EBPL: variants seen among roughly 807,000 people sequenced by gnomAD.
EBPL encodes the protein emopamil-binding protein-like.
A neutral mutation model predicts 19.0 loss-of-function variants in EBPL; 20 were observed. The ratio of observed to expected loss-of-function variants is 1.05; its 90% confidence interval spans 0.74 to 1.53. The LOEUF (loss-of-function observed/expected upper bound fraction) is 1.53. Among genes scored for constraint, EBPL ranks in the 40% most tolerant of loss-of-function variants. The probability of loss-of-function intolerance (pLI) is 0.00; values close to 1 mark genes in which losing one functional copy is unlikely to be tolerated. For missense variants in EBPL, 219 were observed against 261.1 expected (o/e 0.84, Z 1.11); for synonymous variants, 107 against 117.0 (o/e 0.91, Z 0.55).
At chr13:49,676,687 T>C (rs1457450299) in intron 1 of EBPL, among the ~76,000 whole-genome samples, 2 of 152,178 alleles carry the variant, frequency 1.3e-5, no homozygotes, top group Admixed American at 6.5e-5. Flanking sequence ...GCCTGGACAG[T>C]CTTATCACTC....
At chr13:49,664,864 G>A (rs1965202135) in intron 2 of EBPL, among the ~76,000 whole-genome samples, 1 of 151,988 alleles carries the variant, frequency 6.6e-6, no homozygotes, top group Non-Finnish European at 1.5e-5. Context: ...AACACACAAG[G>A]CACATGCTGA....
intron 1 of EBPL, among the ~76,000 whole-genome samples, chr13:49,670,279 T>C (rs556583141): frequency 6.6e-6 from 1 of 152,292 alleles, no homozygotes; most frequent in Non-Finnish European, 1.5e-5. Context: ...ATCAAGTTTA[T>C]ACCAGCATTG....
intron 3 of EBPL, among the ~76,000 whole-genome samples, chr13:49,662,546 T>C (rs1212869166): frequency 6.6e-6 from 1 of 152,176 alleles, no homozygotes; most frequent in Non-Finnish European, 1.5e-5. Flanking sequence ...GTTATTAAAA[T>C]AATATTTCTC....
chr13:49,673,082 A>T (rs1446145253), intron 1 of EBPL, among the ~76,000 whole-genome samples: 1 of 152,150 alleles, frequency 6.6e-6, no homozygotes, highest in African/African-American at 2.4e-5. Flanking sequence ...AGGAAAGGAA[A>T]GGAAAAGAAA....
chr13:49,691,316 C>A lies in EBPL; in HGVS notation c.109G>T (p.Gly37Trp), dbSNP rs1216033893. ...ALGLRLGRGQGAADRGALIWL... is the reference protein window; with the variant it reads ...ALGLRLGRGQWAADRGALIWL... ...ATGAGCGCCCCGCGGTCCGCCGCCC[C>A]CTGCCCGCGGCCCAGGCGCAGGCCC... The change falls in exon 1 of 4, where the codon GGG (glycine) becomes TGG (tryptophan). Residue 37 changes from glycine (G) to tryptophan (W), a missense_variant. By Grantham distance (184) the Gly-to-Trp change is radical (BLOSUM62 -2). This residue lies in a region of EBPL where 170 missense variants were observed against 167.0 expected (regional missense o/e 1.02). Coordinates refer to ENST00000242827, the MANE Select transcript of EBPL (RefSeq NM_032565.5). The A allele has an allele frequency of 1.5e-6, 2 of 1,365,540 alleles. No individual in the cohort carries two copies. Among genetic ancestry groups the A allele is most frequent in the African/African-American group, 1.5e-5 (1 of 66,070 alleles). The allele number at this position is 1,365,540 out of a possible 1,614,324, so 84.6% of individuals were successfully genotyped here.
At position 49,669,858 on chromosome 13, in the gene EBPL, A is replaced by G. The variant is rs1433217442; in HGVS notation, c.172-12T>C. On this transcript the variant is annotated splice_polypyrimidine_tract_variant and intron_variant, in intron 1 of 3. Transcript: ENST00000242827. Reference sequence around the variant, plus strand: ...ACAAAAGGGCCTTCCTAGAGAGGAGAAAATGAAGACATGCTCTAATACAGC... The same window carrying G: ...ACAAAAGGGCCTTCCTAGAGAGGAGGAAATGAAGACATGCTCTAATACAGC... The G allele has an allele frequency of 6.2e-7, 1 of 1,607,788 alleles. No individual in the cohort carries two copies. Among genetic ancestry groups the G allele is most frequent in the East Asian group, 2.2e-5 (1 of 44,834 alleles).
At chr13:49,661,307 CGCTATGAAAACCGTCCTAAGTT>C (rs1485084444) in intron 3 of EBPL, 99 bp from the exon 4 acceptor site, 13 of 1,004,714 alleles carry the variant, frequency 1.3e-5, no homozygotes, top group Non-Finnish European at 2.0e-5. Flanking sequence ...CAACAGTCTT[CGCTATGAAAACCGTCCTAAGTT>C]GGGCCTCAGA....
rs1486956648 is a variant in EBPL, at chr13:49,682,590, T to TG, written c.171+8663_171+8664insC. Among the ~76,000 whole-genome samples, 12 of 152,368 alleles carry TG rather than the reference T, an allele frequency of 7.9e-5. No homozygotes were observed. In the East Asian group the frequency reaches 2.3e-3, roughly 29 times the overall value. The stretch of plus-strand genomic sequence containing the variant: ...AGCCTGGCACTCACTTGGGAGCTGG[T>TG]TACCAATACAGAATCTTGGATGATC... On this transcript the variant is annotated intron_variant, in intron 1 of 3. Coordinates refer to ENST00000242827, the MANE Select transcript of EBPL (RefSeq NM_032565.5).
intron 1 of EBPL, among the ~76,000 whole-genome samples, chr13:49,688,718 CAAAAAA>C (rs56059575): frequency 3.1e-5 from 3 of 95,440 alleles, no homozygotes; most frequent in Non-Finnish European, 4.2e-5. Context: ...GACTCCGTCT[CAAAAAA>C]AAAAAAAAAA....
At position 49,678,322 on chromosome 13, in the gene EBPL, G is replaced by A. The variant is rs539329111; in HGVS notation, c.172-8476C>T. Among the ~76,000 whole-genome samples, 489 of 152,318 alleles carry A rather than the reference G, an allele frequency of 3.2e-3. 3 individuals are homozygous for A. The highest frequency in any genetic ancestry group is 6.3e-3 in the Admixed American group (96 of 15,302). On this transcript the variant is annotated intron_variant, in intron 1 of 3. Transcript: ENST00000242827. Reference sequence around the variant, plus strand: ...GGGCAGAGCTACCCGCCAGTCCTGCGCCGCGCGCCGGCACTCCTCAGCCCT... The same window carrying A: ...GGGCAGAGCTACCCGCCAGTCCTGCACCGCGCGCCGGCACTCCTCAGCCCT...
chr13:49,661,622 G>A (rs1594401845), intron 3 of EBPL, among the ~76,000 whole-genome samples: 1 of 152,258 alleles, frequency 6.6e-6, no homozygotes, highest in East Asian at 1.9e-4. Flanking sequence ...TGAGGATAAA[G>A]GGCCAAGCGA....
intron 1 of EBPL, among the ~76,000 whole-genome samples, chr13:49,675,703 G>T (rs1384423427): frequency 6.6e-6 from 1 of 152,124 alleles, no homozygotes; most frequent in African/African-American, 2.4e-5. Context: ...ATTCCTTTGG[G>T]TGTATATGTA....
At chr13:49,663,436 C>G (rs1293457272) in intron 2 of EBPL, among the ~76,000 whole-genome samples, 1 of 152,164 alleles carries the variant, frequency 6.6e-6, no homozygotes, top group African/African-American at 2.4e-5. Flanking sequence ...TTCCAGCATG[C>G]TTTCACATAC....
chr13:49,670,810 T>G (rs778698784), intron 1 of EBPL, among the ~76,000 whole-genome samples: 6 of 152,180 alleles, frequency 3.9e-5, no homozygotes, highest in Non-Finnish European at 8.8e-5. Flanking sequence ...TCATCAATTT[T>G]GTGCAGTCTC....
At chr13:49,678,486 C>A (rs996056082) in intron 1 of EBPL, among the ~76,000 whole-genome samples, 1 of 152,196 alleles carries the variant, frequency 6.6e-6, no homozygotes, top group Admixed American at 6.5e-5. Context: ...GGCGAGAATT[C>A]GAGCGCAGCG....
chr13:49,684,136 G>A (rs1400679225), intron 1 of EBPL, among the ~76,000 whole-genome samples: 1 of 152,182 alleles, frequency 6.6e-6, no homozygotes, highest in African/African-American at 2.4e-5. Context: ...AAAGGGACAT[G>A]AGAAAACTTT....
chr13:49,668,551 G>A (rs776692910), intron 2 of EBPL: 16 of 377,530 alleles, frequency 4.2e-5, no homozygotes, highest in Middle Eastern at 4.5e-4. Flanking sequence ...TCCAGCCTGG[G>A]GGACAGAGCG....
chr13:49,666,380 G>C (rs1254230548), intron 2 of EBPL, among the ~76,000 whole-genome samples: 1 of 152,060 alleles, frequency 6.6e-6, no homozygotes, highest in Non-Finnish European at 1.5e-5. Context: ...GCCATCTGAG[G>C]CCCCCCTGGA....
chr13:49,673,594 G>A (rs534225033), intron 1 of EBPL, among the ~76,000 whole-genome samples: 3 of 152,106 alleles, frequency 2.0e-5, no homozygotes, highest in South Asian at 2.1e-4. Context: ...GCACCACCAC[G>A]CCCACCTAAT....
Sources: gnomAD v4.1 joint callset for allele counts (sites outside exome capture counted in the v4.1 genomes callset) on GRCh38, gnomAD v4.1.1 for gene constraint, gnomAD v4.1.1 regional missense constraint, MANE v1.5 for transcripts, NCBI Gene and HGNC (gene_info 2026-07-23, HGNC 2026-07-21) for gene names.